KCNQ4: variants seen among roughly 807,000 people sequenced by gnomAD.
The protein encoded by KCNQ4 is potassium voltage-gated channel subfamily KQT member 4.
Under a neutral mutation model 72.6 loss-of-function variants are expected in KCNQ4, and 31 were observed. The observed-to-expected ratio is 0.43, with a 90% CI of 0.32 to 0.58. The LOEUF (loss-of-function observed/expected upper bound fraction) is 0.58. KCNQ4 is among the 20% of genes least tolerant of loss of function. The probability of loss-of-function intolerance (pLI) is 0.08; values close to 1 mark genes in which losing one functional copy is unlikely to be tolerated. For missense variants in KCNQ4, 869 were observed against 962.6 expected, an observed-to-expected ratio of 0.90 and a Z score of 1.29; for synonymous variants, 405 against 403.7, an observed-to-expected ratio of 1.00 and a Z score of -0.04.
At chr1:40,796,214 G>A (rs823690) in intron 1 of KCNQ4, among the ~76,000 whole-genome samples, 80,456 of 151,786 alleles carry the variant, frequency 0.53, 22,007 homozygotes, top group East Asian at 0.75. Flanking sequence ...GGTTGGGGTC[G>A]GAAGGCAAGA....
chr1:40,822,509 C>A, intron 8 of KCNQ4, 107 bp downstream of exon 8: 1 of 857,742 alleles, frequency 1.2e-6, no homozygotes, highest in Non-Finnish European at 1.9e-6. Context: ...TGATGGCTCC[C>A]AGGGGAGCAC....
intron 1 of KCNQ4, among the ~76,000 whole-genome samples, chr1:40,812,852 C>T (rs908511093): frequency 6.6e-6 from 1 of 152,138 alleles, no homozygotes; most frequent in Non-Finnish European, 1.5e-5. Flanking sequence ...ACAGTGAACT[C>T]CTGCTATTCA....
At position 40,818,155 on chromosome 1, in the gene KCNQ4, G is replaced by C. The variant is rs568067536; in HGVS notation, c.406-9G>C. The C allele has an allele frequency of 2.5e-6, 4 of 1,614,010 alleles. No individual in the cohort carries two copies. In the South Asian group the frequency reaches 4.4e-5, roughly 18 times the overall value. ...CTGAGGACCAGAACTCAGGCCCCTG[G>C]TCCCACAGGAATTCGTGATGATCGT... On this transcript the variant is annotated splice_polypyrimidine_tract_variant and intron_variant, in intron 2 of 13. Coordinates refer to ENST00000347132, the MANE Select transcript of KCNQ4 (RefSeq NM_004700.4).
chr1:40,802,106 A>T (rs1198749049), intron 1 of KCNQ4, among the ~76,000 whole-genome samples: 2 of 152,108 alleles, frequency 1.3e-5, no homozygotes, highest in Non-Finnish European at 2.9e-5. Flanking sequence ...ATTCCGCACT[A>T]TCTGTATGGT....
intron 1 of KCNQ4, among the ~76,000 whole-genome samples, chr1:40,810,625 C>A (rs1474793817): frequency 1.3e-5 from 2 of 152,168 alleles, no homozygotes; most frequent in Non-Finnish European, 2.9e-5. Context: ...CCTCCAGGGA[C>A]ATGTTGGACA....
At chr1:40,818,957 A>AG in intron 4 of KCNQ4, 1 of 578,056 alleles carries the variant, frequency 1.7e-6, no homozygotes, top group Admixed American at 3.1e-5. Context: ...CTGGGTTTGA[A>AG]GGGACCACTC....
At chr1:40,813,477 A>G (rs1212885923) in intron 1 of KCNQ4, among the ~76,000 whole-genome samples, 2 of 152,030 alleles carry the variant, frequency 1.3e-5, no homozygotes, top group Non-Finnish European at 2.9e-5. Context: ...AGAATGAAGG[A>G]GCCTGAGCCC....
intron 9 of KCNQ4, among the ~76,000 whole-genome samples, chr1:40,825,671 T>C (rs1483617786): frequency 2.6e-5 from 4 of 151,906 alleles, no homozygotes; most frequent in Non-Finnish European, 4.4e-5. Flanking sequence ...TGCCCGAAGG[T>C]CCCTCATTGT....
At chr1:40,836,265 G>T (rs190206207) in intron 12 of KCNQ4, among the ~76,000 whole-genome samples, 1 of 152,290 alleles carries the variant, frequency 6.6e-6, no homozygotes, top group East Asian at 1.9e-4. Flanking sequence ...TTCTGATGGG[G>T]TGTTAAGAGA....
chr1:40,796,645 T>C (rs1266136588), intron 1 of KCNQ4, among the ~76,000 whole-genome samples: 1 of 152,140 alleles, frequency 6.6e-6, no homozygotes, highest in Non-Finnish European at 1.5e-5. Flanking sequence ...GGCCGGGCGC[T>C]GTGGCTCACG....
Position 40,837,705 on chromosome 1 carries a change from G to A in KCNQ4, c.1786G>A (p.Ala596Thr). ...IVGRGPGDRK[A>T]REKGDKGPSD... ...GGGTCGGGGGCCCGGGGACAGGAAGGCCCGGGAGAAGGGCGACAAGGGGCC... is the reference window on the plus strand; with the variant it reads ...GGGTCGGGGGCCCGGGGACAGGAAGACCCGGGAGAAGGGCGACAAGGGGCC... Residue 596 changes from alanine to threonine, a missense_variant, in exon 13 of 14, where the codon GCC (alanine) becomes ACC (threonine). By Grantham distance (58) the Ala-to-Thr change is moderately conservative. Around this residue, in one of 5 missense-constraint regions of KCNQ4, gnomAD observed 480 missense variants for 501.9 expected, o/e 0.96. Coordinates refer to ENST00000347132, the MANE Select transcript of KCNQ4 (RefSeq NM_004700.4). The A allele has an allele frequency of 6.2e-7, 1 of 1,613,472 alleles. No individual in the cohort carries two copies. The highest frequency in any genetic ancestry group is 2.2e-5 in the East Asian group (1 of 44,866).
At chr1:40,789,177 C>A (rs1208192960) in intron 1 of KCNQ4, among the ~76,000 whole-genome samples, 2 of 152,114 alleles carry the variant, frequency 1.3e-5, no homozygotes, top group Non-Finnish European at 2.9e-5. Flanking sequence ...CCTCGTAGAA[C>A]TTCGCTGGCG....
Position 40,824,355 on chromosome 1 carries a change from G to T in KCNQ4, c.1292+97G>T, listed in dbSNP as rs373970019. 8.2e-4 allele frequency: 1,113 copies of T among 1,364,420 alleles called. 12 individuals carry two copies. In the South Asian group the frequency reaches 0.013, roughly 16 times the overall value. 84.5% of individuals were successfully genotyped at this position (1,364,420 alleles called of 1,614,324 possible). A position where few individuals can be genotyped will look rare whatever the true frequency, so the allele number is the denominator to read the frequency against. On this transcript the variant is annotated intron_variant, in intron 9 of 13. Transcript: ENST00000347132. Reference sequence around the variant, plus strand: ...TCTCAGACCTGCCTTCAGCCACTTCGTGGGTGTCTGGGCCTGTTTGGGGGA... The same window carrying T: ...TCTCAGACCTGCCTTCAGCCACTTCTTGGGTGTCTGGGCCTGTTTGGGGGA...
At chr1:40,832,589 C>G (rs1648682501) in intron 10 of KCNQ4, among the ~76,000 whole-genome samples, 1 of 152,236 alleles carries the variant, frequency 6.6e-6, no homozygotes, top group Admixed American at 6.5e-5. Flanking sequence ...GGGAGCCAGC[C>G]ACTTGGGTGT....
intron 1 of KCNQ4, among the ~76,000 whole-genome samples, chr1:40,799,474 A>G (rs1382684778): frequency 6.6e-6 from 1 of 151,084 alleles, no homozygotes; most frequent in African/African-American, 2.4e-5. Context: ...GTCGCCTGGG[A>G]GACAAGAAAA....
At chr1:40,796,564 C>A (rs756996052) in intron 1 of KCNQ4, among the ~76,000 whole-genome samples, 1 of 152,128 alleles carries the variant, frequency 6.6e-6, no homozygotes, top group Non-Finnish European at 1.5e-5. Context: ...CTAACTCACC[C>A]GGACTATGTC....
intron 12 of KCNQ4, 78 bp from the exon 13 acceptor site, chr1:40,837,584 CCTT>C (rs1648840824): frequency 6.5e-7 from 1 of 1,536,102 alleles, no homozygotes; most frequent in Middle Eastern, 1.9e-4. Flanking sequence ...GGTGCCTTCT[CCTT>C]CATCAGGCAA....
intron 1 of KCNQ4, among the ~76,000 whole-genome samples, chr1:40,792,456 T>C (rs1050006190): frequency 1.3e-5 from 2 of 152,214 alleles, no homozygotes; most frequent in Non-Finnish European, 2.9e-5. Flanking sequence ...GTCTCAGCGC[T>C]GGAGCAGATC....
rs564790071 is a variant in KCNQ4 at position 40,800,838 on chromosome 1, G to T, written c.315-16427G>T. ...CCTGAGGGGGCCCACAGGGGCCCTG[G>T]AATCCTAACGAGGGGCTAAAGAAGC... is the stretch of plus-strand genomic sequence containing the variant. On this transcript the variant is annotated intron_variant, in intron 1 of 13. Coordinates refer to ENST00000347132, the MANE Select transcript of KCNQ4 (RefSeq NM_004700.4). Among the ~76,000 whole-genome samples, 4 of 152,326 alleles carry T rather than the reference G, an allele frequency of 2.6e-5. No individual in the cohort carries two copies. In the South Asian group the frequency reaches 8.3e-4, roughly 32 times the overall value.
Sources: allele counts gnomAD v4.1 joint callset (sites outside exome capture counted in the v4.1 genomes callset), GRCh38; gene constraint gnomAD v4.1.1; regional missense constraint gnomAD v4.1.1; transcripts MANE v1.5; gene names NCBI Gene and HGNC (gene_info 2026-07-23, HGNC 2026-07-21).